FBXO47: variants seen among roughly 807,000 people sequenced by gnomAD.
The protein encoded by FBXO47 is F-box protein 47.
A neutral mutation model predicts 53.9 loss-of-function variants in FBXO47; 34 were observed. The ratio of observed to expected loss-of-function variants is 0.63; its 90% CI spans 0.48 to 0.84. The LOEUF (loss-of-function observed/expected upper bound fraction) is 0.84, where lower values mean the gene tolerates loss of function less well. Ranked by LOEUF, FBXO47 falls within the 40% of genes least tolerant of loss-of-function variation. FBXO47 has a pLI of 0.00. For synonymous variants in FBXO47, 165 were observed against 181.6 expected (o/e 0.91, Z 0.73); for missense variants, 485 against 541.3 (o/e 0.90, Z 1.03).
intron 3 of FBXO47, 94 bp from the exon 4 acceptor site, chr17:38,957,347 G>T: frequency 1.2e-6 from 1 of 804,568 alleles, no homozygotes; most frequent in Non-Finnish European, 2.1e-6. Context: ...GTCAAGTATG[G>T]TATATCACAG....
chr17:38,948,478 G>C (rs199791323), intron 6 of FBXO47, among the ~76,000 whole-genome samples: 2 of 151,972 alleles, frequency 1.3e-5, no homozygotes, highest in Admixed American at 6.6e-5. Flanking sequence ...GCCTCCCAAA[G>C]TGCTGGGATT....
At chr17:38,963,341 C>A (rs1472877661) in intron 1 of FBXO47, among the ~76,000 whole-genome samples, 2 of 152,036 alleles carry the variant, frequency 1.3e-5, no homozygotes, top group Non-Finnish European at 2.9e-5. Context: ...CCATGCCCAG[C>A]TAATTTTGTA....
intron 1 of FBXO47, among the ~76,000 whole-genome samples, chr17:38,963,802 GT>G (rs377210713): frequency 0.037 from 4,727 of 128,594 alleles, 208 homozygotes; most frequent in African/African-American, 0.11. Flanking sequence ...TTGTTTTGTT[GT>G]TTTTTTTTTT....
At chr17:38,966,204 T>TTTTG (rs1036099187) in intron 1 of FBXO47, among the ~76,000 whole-genome samples, 2 of 152,058 alleles carry the variant, frequency 1.3e-5, no homozygotes, top group Non-Finnish European at 2.9e-5. Context: ...ACAGTAGGCG[T>TTTTG]TTTGTTTGTT....
At chr17:38,966,790 G>C (rs948072045) in intron 1 of FBXO47, among the ~76,000 whole-genome samples, 1 of 152,100 alleles carries the variant, frequency 6.6e-6, no homozygotes, top group Admixed American at 6.6e-5. Context: ...TAGGGAAAAA[G>C]CAAGCTTTTG....
At chr17:38,963,474 G>A (rs1343853995) in intron 1 of FBXO47, among the ~76,000 whole-genome samples, 1 of 151,966 alleles carries the variant, frequency 6.6e-6, no homozygotes, top group Non-Finnish European at 1.5e-5. Context: ...ACTGAACCTG[G>A]CCCCACTTAC....
At chr17:38,959,570 ACT>A (rs1905718359) in intron 3 of FBXO47, among the ~76,000 whole-genome samples, 1 of 128,268 alleles carries the variant, frequency 7.8e-6, no homozygotes, top group African/African-American at 3.2e-5. Context: ...ACAGAGTGAG[ACT>A]CTGCCTCAAA....
intron 3 of FBXO47, among the ~76,000 whole-genome samples, chr17:38,958,975 A>C (rs893957716): frequency 9.2e-5 from 14 of 152,072 alleles, no homozygotes; most frequent in African/African-American, 3.4e-4. Context: ...TCCAGGCATT[A>C]ATTCTTAGAA....
At chr17:38,948,176 C>T (rs1215967861) in intron 6 of FBXO47, among the ~76,000 whole-genome samples, 1 of 149,474 alleles carries the variant, frequency 6.7e-6, no homozygotes, top group Non-Finnish European at 1.5e-5. Flanking sequence ...CAATACTCTA[C>T]TTTCCATCTC....
At chr17:38,949,560 T>C (rs1032910368) in intron 6 of FBXO47, among the ~76,000 whole-genome samples, 4 of 152,202 alleles carry the variant, frequency 2.6e-5, no homozygotes, top group South Asian at 2.1e-4. Context: ...ATGGATCATA[T>C]AACTCTATGT....
chr17:38,946,034 T>TATAAATATATATAAAATATATAAATAC (rs1567716161), intron 6 of FBXO47, among the ~76,000 whole-genome samples: 49 of 114,598 alleles, frequency 4.3e-4, no homozygotes, highest in African/African-American at 1.8e-3. Context: ...TAAAAATATA[T>TATAAATATATATAAAATATATAAATAC]ATAAATATAT....
At chr17:38,962,782 C>A (rs1905875860) in intron 2 of FBXO47, 63 bp downstream of exon 2, 1 of 1,219,014 alleles carries the variant, frequency 8.2e-7, no homozygotes, top group Admixed American at 2.4e-5. Context: ...CAAACTAGTT[C>A]TTGGGAAAAA....
At chr17:38,945,515 T>C (rs2143902096) in intron 6 of FBXO47, among the ~76,000 whole-genome samples, 1 of 152,244 alleles carries the variant, frequency 6.6e-6, no homozygotes, top group South Asian at 2.1e-4. Context: ...ATGAAAGTTT[T>C]ATGGCAGGTG....
chr17:38,964,447 T>C (rs990446859), intron 1 of FBXO47, among the ~76,000 whole-genome samples: 13 of 151,936 alleles, frequency 8.6e-5, no homozygotes, highest in African/African-American at 3.1e-4. Flanking sequence ...AATACAAAAA[T>C]TAGCCAGGGA....
At chr17:38,946,036 TAA>T (rs1241340090) in intron 6 of FBXO47, among the ~76,000 whole-genome samples, 10 of 112,816 alleles carry the variant, frequency 8.9e-5, no homozygotes, top group South Asian at 2.5e-4. Context: ...AAAATATATA[TAA>T]ATATATATAA....
At chr17:38,963,317 A>C (rs148519923) in intron 1 of FBXO47, among the ~76,000 whole-genome samples, 293 of 152,154 alleles carry the variant, frequency 1.9e-3, no homozygotes, top group African/African-American at 6.8e-3. Context: ...AGCTGGGATT[A>C]CAGTCATGTG....
intron 5 of FBXO47, among the ~76,000 whole-genome samples, chr17:38,952,446 T>TTACATAA (rs1334650838): frequency 6.6e-6 from 1 of 152,170 alleles, no homozygotes; most frequent in Admixed American, 6.6e-5. Context: ...AATAACAAAT[T>TTACATAA]TACATAAACA....
intron 4 of FBXO47, among the ~76,000 whole-genome samples, 160 bp downstream of exon 4, chr17:38,957,017 A>G (rs1905586883): frequency 1.3e-5 from 2 of 152,190 alleles, no homozygotes; most frequent in African/African-American, 2.4e-5. Flanking sequence ...GACATTATAT[A>G]ATCTCGAAGT....
At chr17:38,957,698 CTT>C (rs67243641) in intron 3 of FBXO47, among the ~76,000 whole-genome samples, 77 of 132,800 alleles carry the variant, frequency 5.8e-4, no homozygotes, top group South Asian at 2.2e-3. Flanking sequence ...ACTGATTTTT[CTT>C]TTTTTTTTTT....
Sources: gnomAD v4.1 joint callset for allele counts (sites outside exome capture counted in the v4.1 genomes callset) on GRCh38, gnomAD v4.1.1 for gene constraint, MANE v1.5 for transcripts, NCBI Gene and HGNC (gene_info 2026-07-23, HGNC 2026-07-21) for gene names.